ZNF185: variants seen among roughly 807,000 people sequenced by gnomAD.
The protein encoded by ZNF185 is zinc finger protein 185 with LIM domain.
Under a neutral mutation model 58.6 loss-of-function variants are expected in ZNF185, and 56 were observed. That is an observed-to-expected ratio of 0.95 (90% confidence interval 0.77 to 1.19). The LOEUF is 1.19. Among genes scored for constraint, ZNF185 ranks in the 50% most tolerant of loss-of-function variants. The pLI is 0.00. For missense variants in ZNF185, 627 were observed against 573.5 expected (o/e 1.09, Z -0.95); for synonymous variants, 230 against 215.9 (o/e 1.07, Z -0.57).
At chrX:152,923,847 A>T (rs1940285453) in intron 11 of ZNF185, among the ~76,000 whole-genome samples, 1 of 111,809 alleles carries the variant, frequency 8.9e-6, no homozygotes, top group Admixed American at 9.5e-5. Context: ...ACTGGTACTG[A>T]TCCTCAGGCT....
intron 3 of ZNF185, among the ~76,000 whole-genome samples, chrX:152,916,263 C>T (rs1202018656): frequency 9.0e-6 from 1 of 111,265 alleles, no homozygotes; most frequent in Admixed American, 9.5e-5. Flanking sequence ...GATGCTCCAG[C>T]CCACATCCCC....
chrX:152,959,020 A>G (rs1369863973), intron 16 of ZNF185, among the ~76,000 whole-genome samples: 6 of 112,591 alleles, frequency 5.3e-5, no homozygotes, highest in African/African-American at 1.3e-4. Flanking sequence ...TTTGGGCGAG[A>G]TCGACCGTGG....
chrX:152,941,506 T>C (rs782033432), intron 15 of ZNF185, among the ~76,000 whole-genome samples: 1 of 112,936 alleles, frequency 8.9e-6, no homozygotes, highest in Non-Finnish European at 1.9e-5. Flanking sequence ...ACCCCTCACC[T>C]TCCCCGAAAT....
chrX:152,940,895 T>C (rs2047107591), intron 15 of ZNF185, among the ~76,000 whole-genome samples: 1 of 112,273 alleles, frequency 8.9e-6, no homozygotes, highest in African/African-American at 3.2e-5. Flanking sequence ...AGTCTGAATA[T>C]CTCTCTCAAT....
At chrX:152,922,766 T>C in exon 11 of ZNF185, 2 of 1,201,001 alleles carry the variant, frequency 1.7e-6, no homozygotes, top group Non-Finnish European at 2.2e-6. Context: ...TTGGATCGAG[T>C]GCCTGCCAAG....
At chrX:152,957,233 A>AT (rs199603981) in intron 16 of ZNF185, among the ~76,000 whole-genome samples, 22,564 of 97,621 alleles carry the variant, frequency 0.23, 2,181 homozygotes, top group South Asian at 0.36. Flanking sequence ...ATGTCTGGCT[A>AT]TTTTTTTTTT....
the ZNF185 span, among the ~76,000 whole-genome samples, chrX:152,898,139 G>GC: frequency 1.6e-4 from 18 of 109,153 alleles, no homozygotes; most frequent in Non-Finnish European, 3.3e-4. Flanking sequence ...CTGCCTCCCC[G>GC]GCCCGGCCCG....
intron 14 of ZNF185, among the ~76,000 whole-genome samples, chrX:152,935,853 C>T (rs5969926): frequency 0.18 from 20,199 of 111,247 alleles, 1,528 homozygotes; most frequent in Non-Finnish European, 0.24. Flanking sequence ...TTCAGCATGC[C>T]GTGAGCATCA....
intron 15 of ZNF185, among the ~76,000 whole-genome samples, chrX:152,944,518 T>G (rs2047575945): frequency 1.8e-5 from 2 of 112,141 alleles, no homozygotes; most frequent in Admixed American, 9.4e-5. Context: ...TGCACCTCGG[T>G]GTGGGGCTGG....
In ZNF185 at chrX:152,915,125, C is replaced by T; in HGVS notation, c.159-13C>T. The T allele has an allele frequency of 4.1e-6, 5 of 1,209,165 alleles. No individual in the cohort carries two copies. Among genetic ancestry groups the T allele is most frequent in the Non-Finnish European group, 5.6e-6 (5 of 894,425 alleles). On this transcript the variant is annotated splice_polypyrimidine_tract_variant and intron_variant, in intron 2 of 22. Transcript: ENST00000449285. The stretch of plus-strand genomic sequence containing the variant: ...TCTCGGAGCCAATCCTTCAGGATGC[C>T]TCTTTCCCCCAGAGAGCTGCCCTCA...
At chrX:152,913,619 C>T (rs1363777527), upstream of ZNF185, among the ~76,000 whole-genome samples, 1 of 112,535 alleles carries the variant, frequency 8.9e-6, no homozygotes, top group African/African-American at 3.2e-5. Context: ...TTGCCACACT[C>T]GCCTGTTCCC....
intron 11 of ZNF185, among the ~76,000 whole-genome samples, chrX:152,923,226 C>T (rs895370872): frequency 8.9e-6 from 1 of 112,064 alleles, no homozygotes; most frequent in Non-Finnish European, 1.9e-5. Context: ...CTACCGGTCA[C>T]TTCCCAGGCC....
chrX:152,962,034 T>C (rs1435511426), intron 17 of ZNF185, among the ~76,000 whole-genome samples: 1 of 111,786 alleles, frequency 8.9e-6, no homozygotes. Flanking sequence ...AAAGCTTTTC[T>C]ATCGAGGAGG....
intron 16 of ZNF185, among the ~76,000 whole-genome samples, chrX:152,952,831 CTT>C (rs34933153): frequency 0.23 from 21,919 of 93,403 alleles, 2,086 homozygotes; most frequent in South Asian, 0.36. Context: ...TTCGTGATTA[CTT>C]TTTTTTTTTT....
chrX:152,928,176 A>G (rs1178319127), intron 11 of ZNF185, among the ~76,000 whole-genome samples: 1 of 111,830 alleles, frequency 8.9e-6, no homozygotes, highest in East Asian at 2.8e-4. Flanking sequence ...GGGTTTTCTC[A>G]GTCTCTCGTA....
chrX:152,943,324 A>T (rs2047443998), intron 15 of ZNF185, among the ~76,000 whole-genome samples: 1 of 112,178 alleles, frequency 8.9e-6, no homozygotes, highest in African/African-American at 3.2e-5. Context: ...AAAGAATGGA[A>T]GTGTGTAGAT....
At chrX:152,970,651 C>T (rs1251027728) in intron 22 of ZNF185, 110 bp downstream of exon 24, 1 of 651,778 alleles carries the variant, frequency 1.5e-6, no homozygotes, top group Non-Finnish European at 2.4e-6. Context: ...TCTTTCTTGG[C>T]TCTTCCTTAT....
intron 11 of ZNF185, among the ~76,000 whole-genome samples, chrX:152,925,635 C>G (rs782632608): frequency 9.0e-6 from 1 of 111,462 alleles, no homozygotes; most frequent in East Asian, 2.8e-4. Context: ...CCTGGAGGGC[C>G]GTCTTCTCTG....
At chrX:152,965,453 G>T (rs1556913729) in exon 19 of ZNF185, 1 of 1,180,131 alleles carries the variant, frequency 8.5e-7, no homozygotes, top group Non-Finnish European at 1.1e-6. Flanking sequence ...ACAGCAAAGG[G>T]ATTCTCTTCG....
Sources: allele counts gnomAD v4.1 joint callset (sites outside exome capture counted in the v4.1 genomes callset), GRCh38; gene constraint gnomAD v4.1.1; transcripts MANE v1.5; gene names NCBI Gene and HGNC (gene_info 2026-07-23, HGNC 2026-07-21).